Variants in CSMD3 observed in about 807,000 individuals in gnomAD.
CSMD3 encodes the protein CUB and Sushi multiple domains 3, also known as CUB and sushi domain-containing protein 3.
Under a neutral mutation model 435.2 loss-of-function variants are expected in CSMD3, and 177 were observed. The ratio of observed to expected loss-of-function variants is 0.41; its 90% CI spans 0.36 to 0.46. The LOEUF (loss-of-function observed/expected upper bound fraction) is 0.46. CSMD3 is among the 20% of genes least tolerant of loss of function. The pLI is 0.34. For synonymous variants in CSMD3, 1,656 were observed against 1,520.5 expected (o/e 1.09, Z -2.07); for missense variants, 4,265 against 4,504.6 (o/e 0.95, Z 1.52).
chr8:113,061,099 T>C (rs1301915385), intron 5 of CSMD3, among the ~76,000 whole-genome samples: 3 of 152,116 alleles, frequency 2.0e-5, no homozygotes, highest in Non-Finnish European at 4.4e-5. Flanking sequence ...AGCTGGAACA[T>C]ACCCACCTCT....
chr8:112,309,317 T>C (rs750444419), intron 50 of CSMD3, among the ~76,000 whole-genome samples: 3 of 151,920 alleles, frequency 2.0e-5, no homozygotes, highest in Non-Finnish European at 4.4e-5. Context: ...ATGTATACCA[T>C]ATAGGAGTGT....
At chr8:113,416,762 A>G (rs997618871) in intron 1 of CSMD3, among the ~76,000 whole-genome samples, 1 of 152,136 alleles carries the variant, frequency 6.6e-6, no homozygotes, top group African/African-American at 2.4e-5. Context: ...TTGTGGTCCT[A>G]TTATTTTTAC....
chr8:113,336,168 A>G (rs1407173213), intron 1 of CSMD3, among the ~76,000 whole-genome samples: 2 of 151,342 alleles, frequency 1.3e-5, no homozygotes, highest in Non-Finnish European at 2.9e-5. Flanking sequence ...CAGTTCTTAG[A>G]TTATTTTCTT....
chr8:112,718,370 G>T (rs2076780550), intron 13 of CSMD3, among the ~76,000 whole-genome samples: 1 of 151,830 alleles, frequency 6.6e-6, no homozygotes. Flanking sequence ...TCTGACAAAG[G>T]CTGGCTTTCA....
chr8:113,210,495 G>A (rs1239968836), intron 3 of CSMD3, among the ~76,000 whole-genome samples: 1 of 151,912 alleles, frequency 6.6e-6, no homozygotes, highest in East Asian at 1.9e-4. Context: ...AAGTAAAAAT[G>A]TACATATTTT....
At chr8:112,584,701 A>G (rs1458478165) in intron 23 of CSMD3, among the ~76,000 whole-genome samples, 1 of 151,542 alleles carries the variant, frequency 6.6e-6, no homozygotes, top group Non-Finnish European at 1.5e-5. Context: ...AAATATAATC[A>G]ATGCTACCAC....
At chr8:113,026,264 G>C (rs906215613) in intron 5 of CSMD3, among the ~76,000 whole-genome samples, 2 of 152,178 alleles carry the variant, frequency 1.3e-5, no homozygotes, top group Admixed American at 1.3e-4. Context: ...CATCCCAGCA[G>C]GGGGAACAGA....
rs141258062 is a variant in CSMD3, at chr8:112,631,824, C to T, written c.3715+4993G>A. Reference sequence around the variant, plus strand: ...TAAAAAAAAATTGGGTTAAATAGAACTCATACTGGCATCATCCTTTCCAGA... The same window carrying T: ...TAAAAAAAAATTGGGTTAAATAGAATTCATACTGGCATCATCCTTTCCAGA... On this transcript the variant is annotated intron_variant, in intron 22 of 70. Transcript: ENST00000297405. 7.9e-5 allele frequency among the ~76,000 whole-genome samples: 12 copies of T among 151,994 alleles called. 1 individual carries two copies. Among genetic ancestry groups the T allele is most frequent in the Admixed American group, 5.9e-4 (9 of 15,248 alleles).
In CSMD3 at chr8:112,399,159, C is replaced by T. The variant is rs374086100; in HGVS notation, c.5809+7365G>A. On this transcript the variant is annotated intron_variant, in intron 35 of 70. Coordinates refer to ENST00000297405, the MANE Select transcript of CSMD3 (RefSeq NM_198123.2). ...TCTCAAATTCTTGACTTCACGTGATCCACCCGCCTCGGCTAAACTCTTAAA... is the reference window on the plus strand; with the variant it reads ...TCTCAAATTCTTGACTTCACGTGATTCACCCGCCTCGGCTAAACTCTTAAA... Among the ~76,000 whole-genome samples the T allele has an allele frequency of 1.4e-4, 21 of 152,148 alleles. No homozygotes were observed. In the South Asian group the frequency reaches 4.2e-3, roughly 30 times the overall value.
chr8:112,947,121 T>A (rs1235914949), intron 9 of CSMD3, among the ~76,000 whole-genome samples: 1 of 151,708 alleles, frequency 6.6e-6, no homozygotes, highest in African/African-American at 2.4e-5. Flanking sequence ...TCTAATATTT[T>A]GATAGGCTTT....
At chr8:112,859,386 T>C (rs2080761133) in intron 10 of CSMD3, 120 bp from the exon 11 acceptor site, 2 of 814,004 alleles carry the variant, frequency 2.5e-6, no homozygotes, top group Non-Finnish European at 4.1e-6. Flanking sequence ...CATTGAAATA[T>C]ATATTATGGT....
intron 1 of CSMD3, among the ~76,000 whole-genome samples, chr8:113,433,347 C>G (rs775885005): frequency 9.9e-5 from 15 of 152,120 alleles, no homozygotes; most frequent in Non-Finnish European, 1.9e-4. Context: ...GTCCCCGGGA[C>G]ACACGCGGGG....
chr8:113,087,513 T>C (rs2089837313), intron 5 of CSMD3, among the ~76,000 whole-genome samples: 1 of 152,094 alleles, frequency 6.6e-6, no homozygotes, highest in Non-Finnish European at 1.5e-5. Context: ...AACAGAGATA[T>C]AGATCAATGG....
At chr8:112,601,826 C>T (rs910097064) in intron 22 of CSMD3, among the ~76,000 whole-genome samples, 2 of 152,116 alleles carry the variant, frequency 1.3e-5, no homozygotes, top group African/African-American at 4.8e-5. Context: ...TCATAACTGC[C>T]TTGGCACCAT....
intron 13 of CSMD3, among the ~76,000 whole-genome samples, chr8:112,710,054 C>G (rs960954161): frequency 4.6e-5 from 7 of 152,178 alleles, no homozygotes; most frequent in Non-Finnish European, 1.0e-4. Flanking sequence ...TCTAGGAAGA[C>G]AGCACTGCAA....
At chr8:112,288,608 G>T (rs1017541215) in intron 57 of CSMD3, among the ~76,000 whole-genome samples, 1 of 151,574 alleles carries the variant, frequency 6.6e-6, no homozygotes, top group Non-Finnish European at 1.5e-5. Flanking sequence ...TAAATATAAA[G>T]AAAAAGCAGA....
At chr8:112,968,636 C>T (rs560042567) in intron 7 of CSMD3, among the ~76,000 whole-genome samples, 2 of 151,988 alleles carry the variant, frequency 1.3e-5, no homozygotes, top group African/African-American at 4.8e-5. Context: ...TCCTTCCTCA[C>T]ATGCCATACC....
chr8:112,420,204 T>G (rs1376364643), intron 32 of CSMD3, among the ~76,000 whole-genome samples: 1 of 152,114 alleles, frequency 6.6e-6, no homozygotes, highest in East Asian at 1.9e-4. Flanking sequence ...TAAACACCCA[T>G]GAAACCATCA....
At chr8:112,676,428 T>A (rs981803635) in intron 16 of CSMD3, among the ~76,000 whole-genome samples, 7 of 152,034 alleles carry the variant, frequency 4.6e-5, no homozygotes, top group Non-Finnish European at 5.9e-5. Flanking sequence ...TAAAATAAAA[T>A]TTAATAACAT....
Sources: allele counts gnomAD v4.1 joint callset (sites outside exome capture counted in the v4.1 genomes callset), GRCh38; gene constraint gnomAD v4.1.1; transcripts MANE v1.5; gene names NCBI Gene and HGNC (gene_info 2026-07-23, HGNC 2026-07-21).